The following NKAIN3 variants were observed in gnomAD, a reference collection of about 807,000 sequenced individuals.
NKAIN3 encodes the protein sodium/potassium-transporting ATPase subunit beta-1-interacting protein 3.
NKAIN3 carries 25 observed loss-of-function variants against 30.2 expected under a neutral mutation model. The observed-to-expected ratio is 0.83, with a 90% confidence interval of 0.60 to 1.16. NKAIN3 has a LOEUF of 1.16. NKAIN3 is among the 50% of genes most tolerant of loss of function. NKAIN3 has a pLI of 0.00. For missense variants in NKAIN3, 225 were observed against 254.1 expected (o/e 0.89, Z 0.78); for synonymous variants, 91 against 89.6 (o/e 1.02, Z -0.09).
chr8:62,648,412 T>C (rs559097300), intron 3 of NKAIN3, among the ~76,000 whole-genome samples: 32 of 152,246 alleles, frequency 2.1e-4, no homozygotes, highest in Admixed American at 1.6e-3. Context: ...AATAGTCCTA[T>C]GTCTTAGCCC....
intron 4 of NKAIN3, among the ~76,000 whole-genome samples, chr8:62,906,429 A>T (rs1256951071): frequency 6.6e-6 from 1 of 152,180 alleles, no homozygotes; most frequent in Non-Finnish European, 1.5e-5. Flanking sequence ...CCATAGGCAG[A>T]CTTGGTGAAG....
intron 1 of NKAIN3, among the ~76,000 whole-genome samples, chr8:62,420,937 A>G (rs149445494): frequency 2.6e-4 from 39 of 152,308 alleles, no homozygotes; most frequent in African/African-American, 7.7e-4. Flanking sequence ...TACTACACAG[A>G]AATGGCATAA....
chr8:62,293,999 A>T (rs1383360317), intron 1 of NKAIN3, among the ~76,000 whole-genome samples: 3 of 152,162 alleles, frequency 2.0e-5, no homozygotes, highest in African/African-American at 7.2e-5. Context: ...CTGTGCTAGT[A>T]GTGAGCGAGG....
At chr8:62,451,259 C>T (rs1008950728) in intron 1 of NKAIN3, among the ~76,000 whole-genome samples, 3 of 151,214 alleles carry the variant, frequency 2.0e-5, no homozygotes, top group African/African-American at 7.3e-5. Flanking sequence ...CTCTTCTCTT[C>T]TCCTCTTCTC....
At chr8:62,599,161 G>C (rs888865825) in intron 3 of NKAIN3, among the ~76,000 whole-genome samples, 2 of 152,046 alleles carry the variant, frequency 1.3e-5, no homozygotes, top group Non-Finnish European at 2.9e-5. Flanking sequence ...TGGGAGTCTT[G>C]ATCACAGCCT....
chr8:62,685,107 A>G (rs555355993), intron 3 of NKAIN3, among the ~76,000 whole-genome samples: 1 of 152,282 alleles, frequency 6.6e-6, no homozygotes, highest in South Asian at 2.1e-4. Flanking sequence ...ACAGGCTCTT[A>G]CCTGCAGCAA....
chr8:62,678,232 T>A (rs939907183), intron 3 of NKAIN3, among the ~76,000 whole-genome samples: 1 of 152,210 alleles, frequency 6.6e-6, no homozygotes, highest in Non-Finnish European at 1.5e-5. Context: ...CTAAGATGTT[T>A]ATCACTTTCT....
intron 1 of NKAIN3, among the ~76,000 whole-genome samples, chr8:62,511,608 C>T (rs948556617): frequency 1.3e-5 from 2 of 152,188 alleles, no homozygotes; most frequent in Non-Finnish European, 2.9e-5. Flanking sequence ...CATACAGAGC[C>T]GTACAAGGGG....
At chr8:62,729,766 G>A (rs1238837575) in intron 3 of NKAIN3, among the ~76,000 whole-genome samples, 3 of 152,050 alleles carry the variant, frequency 2.0e-5, no homozygotes, top group Admixed American at 2.0e-4. Context: ...ACTTCACATA[G>A]CATGGATTGC....
At chr8:62,823,938 A>G (rs1435152510) in intron 4 of NKAIN3, among the ~76,000 whole-genome samples, 2 of 152,328 alleles carry the variant, frequency 1.3e-5, no homozygotes, top group Non-Finnish European at 2.9e-5. Flanking sequence ...CAAGAAATTT[A>G]ATGGCATATG....
chr8:62,280,670 A>T (rs943450634), intron 1 of NKAIN3, among the ~76,000 whole-genome samples: 2 of 152,090 alleles, frequency 1.3e-5, no homozygotes, highest in African/African-American at 4.8e-5. Flanking sequence ...TATATGCTGG[A>T]TTACATTTAT....
chr8:62,675,011 C>T (rs1212666871), intron 3 of NKAIN3, among the ~76,000 whole-genome samples: 3 of 152,188 alleles, frequency 2.0e-5, no homozygotes, highest in African/African-American at 7.2e-5. Flanking sequence ...AGGCTTCCTT[C>T]AAGTGCTGAG....
intron 3 of NKAIN3, among the ~76,000 whole-genome samples, chr8:62,713,193 G>A (rs919609980): frequency 2.6e-5 from 4 of 152,090 alleles, no homozygotes; most frequent in South Asian, 2.1e-4. Flanking sequence ...GGTAGTGCAG[G>A]GCTGCCACCA....
At position 62,558,891 on chromosome 8, in the gene NKAIN3, T is replaced by A. The variant is rs1053156798; in HGVS notation, c.55-20648T>A. On this transcript the variant is annotated intron_variant, in intron 1 of 6. Coordinates refer to ENST00000623646, the MANE Select transcript of NKAIN3 (RefSeq NM_001304533.3). ...CATTGGCATGTTGTTTTTGCTTTCA[T>A]ACAGTTCCAGGTGTTTTTCTTCCTA... 9.3e-4 allele frequency among the ~76,000 whole-genome samples: 142 copies of A among 152,202 alleles called. 1 individual carries two copies. Among genetic ancestry groups the A allele is most frequent in the African/African-American group, 3.1e-3 (127 of 41,576 alleles).
intron 4 of NKAIN3, among the ~76,000 whole-genome samples, chr8:62,830,036 C>T (rs1819146677): frequency 6.6e-6 from 1 of 152,020 alleles, no homozygotes; most frequent in African/African-American, 2.4e-5. Context: ...AAAGCAAAAG[C>T]ATGCATCAAA....
At chr8:62,392,985 G>A (rs997780436) in intron 1 of NKAIN3, among the ~76,000 whole-genome samples, 1 of 152,020 alleles carries the variant, frequency 6.6e-6, no homozygotes, top group Non-Finnish European at 1.5e-5. Flanking sequence ...TGGCATGAAA[G>A]TTTAAGTGAA....
chr8:62,705,878 G>C (rs1479952210), intron 3 of NKAIN3, among the ~76,000 whole-genome samples: 1 of 152,056 alleles, frequency 6.6e-6, no homozygotes, highest in East Asian at 1.9e-4. Flanking sequence ...TAGATATTTT[G>C]TTGTTTGTTT....
intron 3 of NKAIN3, among the ~76,000 whole-genome samples, chr8:62,712,951 C>T (rs1372483415): frequency 2.6e-5 from 4 of 152,172 alleles, no homozygotes; most frequent in Admixed American, 2.0e-4. Context: ...TAAACTGACT[C>T]GGCTCCAAGT....
At chr8:62,923,547 G>C (rs944441194) in intron 5 of NKAIN3, among the ~76,000 whole-genome samples, 3 of 152,126 alleles carry the variant, frequency 2.0e-5, no homozygotes, top group African/African-American at 7.2e-5. Flanking sequence ...TATATTTTTA[G>C]TAATTTTGAA....
Sources: allele counts gnomAD v4.1 joint callset (sites outside exome capture counted in the v4.1 genomes callset), GRCh38; gene constraint gnomAD v4.1.1; transcripts MANE v1.5; gene names NCBI Gene and HGNC (gene_info 2026-07-23, HGNC 2026-07-21).